MTM1: variants seen among roughly 807,000 people sequenced by gnomAD.
MTM1 encodes myotubularin 1.
Under a neutral mutation model 52.1 loss-of-function variants are expected in MTM1, and 9 were observed. The ratio of observed to expected loss-of-function variants is 0.17; its 90% confidence interval spans 0.10 to 0.30. The LOEUF is 0.30. Ranked by LOEUF, MTM1 falls within the 10% of genes least tolerant of loss-of-function variation. The pLI is 1.00. For synonymous variants in MTM1, 136 were observed against 163.8 expected (o/e 0.83, Z 1.29); for missense variants, 277 against 470.7 (o/e 0.59, Z 3.81).
chrX:150,591,255 A>G (rs781977393), intron 1 of MTM1, among the ~76,000 whole-genome samples: 4 of 112,345 alleles, frequency 3.6e-5, no homozygotes, highest in Admixed American at 2.8e-4. Flanking sequence ...GCCTAGTTCC[A>G]GTGTTCTGGG....
chrX:150,611,657 C>G (rs141174753), intron 4 of MTM1, among the ~76,000 whole-genome samples: 1 of 111,326 alleles, frequency 9.0e-6, no homozygotes, highest in Non-Finnish European at 1.9e-5. Flanking sequence ...GTATTTTTCC[C>G]GCACTCACTT....
At position 150,583,893 on chromosome X, in the gene MTM1, ATT is replaced by A. The variant is rs1370011731; in HGVS notation, c.-10-8710_-10-8709del. Among the ~76,000 whole-genome samples, 7 of 31,452 alleles carry A rather than the reference ATT, an allele frequency of 2.2e-4. 2 individuals carry two copies. The highest frequency in any genetic ancestry group is 6.8e-4 in the Admixed American group (1 of 1,469). 27.3% of individuals were successfully genotyped at this position (31,452 alleles called of 115,157 possible). On this transcript the variant is annotated intron_variant, in intron 1 of 14. Coordinates refer to ENST00000370396, the MANE Select transcript of MTM1 (RefSeq NM_000252.3). ...AAATATATATTAAATATATATATATATTTGATATATATATATATAATATAAAA... is the reference window on the plus strand; with the variant it reads ...AAATATATATTAAATATATATATATATGATATATATATATATAATATAAAA...
At chrX:150,617,786 C>G (rs1179501062) in intron 5 of MTM1, among the ~76,000 whole-genome samples, 1 of 111,813 alleles carries the variant, frequency 8.9e-6, no homozygotes, top group Non-Finnish European at 1.9e-5. Flanking sequence ...TCCAAGAGGG[C>G]AACAACTAGG....
At chrX:150,624,292 A>G in intron 6 of MTM1, among the ~76,000 whole-genome samples, 1 of 112,348 alleles carries the variant, frequency 8.9e-6, no homozygotes, top group South Asian at 3.6e-4. Context: ...TTGCTTTTCA[A>G]ACACTAGAAA....
At chrX:150,608,712 C>T (rs1360342964) in intron 4 of MTM1, among the ~76,000 whole-genome samples, 1 of 111,276 alleles carries the variant, frequency 9.0e-6, no homozygotes, top group Non-Finnish European at 1.9e-5. Flanking sequence ...TAGTTGTAGT[C>T]ACTTTGTTGT....
At chrX:150,659,270 A>AGTCTT (rs1160757448) in intron 11 of MTM1, among the ~76,000 whole-genome samples, 1 of 112,324 alleles carries the variant, frequency 8.9e-6, no homozygotes, top group Admixed American at 9.4e-5. Flanking sequence ...CATGATTTTA[A>AGTCTT]GTCTTGAAAC....
chrX:150,628,300 G>A (rs190328019), intron 6 of MTM1, among the ~76,000 whole-genome samples: 218 of 111,619 alleles, frequency 2.0e-3, no homozygotes, highest in Non-Finnish European at 3.4e-3. Context: ...TCCCATTATG[G>A]TATAAAGACC....
At chrX:150,632,603 T>C (rs2039689548) in intron 6 of MTM1, among the ~76,000 whole-genome samples, 1 of 111,437 alleles carries the variant, frequency 9.0e-6, no homozygotes, top group Non-Finnish European at 1.9e-5. Context: ...GGAAGACCAT[T>C]TCTGGGGATT....
At chrX:150,632,166 A>C (rs1475289054) in intron 6 of MTM1, among the ~76,000 whole-genome samples, 1 of 112,253 alleles carries the variant, frequency 8.9e-6, no homozygotes, top group African/African-American at 3.2e-5. Flanking sequence ...AAACAGATGC[A>C]TATGATACAG....
chrX:150,663,360 G>A lies in MTM1; in HGVS notation c.1468-73G>A, dbSNP rs782071954. Reference sequence around the variant, plus strand: ...TTGATGCTGAACTGTATTGCTACAGGCTGCAAAATGGTTTGTGGATTTATG... The same window carrying A: ...TTGATGCTGAACTGTATTGCTACAGACTGCAAAATGGTTTGTGGATTTATG... On this transcript the variant is annotated intron_variant, in intron 13 of 14. Transcript: ENST00000370396. The A allele has an allele frequency of 2.8e-5, 30 of 1,073,113 alleles. No individual in the cohort carries two copies. The African/African-American group carries it at 5.3e-4, about 19-fold the overall frequency. 88.4% of individuals were successfully genotyped at this position (1,073,113 alleles called of 1,213,427 possible). A position where few individuals can be genotyped will look rare whatever the true frequency, so the allele number is the denominator to read the frequency against.
At chrX:150,611,628 C>G (rs1188507713) in intron 4 of MTM1, among the ~76,000 whole-genome samples, 1 of 111,987 alleles carries the variant, frequency 8.9e-6, no homozygotes, top group African/African-American at 3.2e-5. Flanking sequence ...ACTAGACTGA[C>G]CATACTTGAA....
chrX:150,596,551 A>G lies in MTM1; in HGVS notation c.117A>G (p.Pro39=). The G allele has an allele frequency of 2.5e-6, 3 of 1,208,108 alleles. No homozygotes were observed. Among genetic ancestry groups the G allele is most frequent in the Non-Finnish European group, 3.4e-6 (3 of 892,542 alleles). Residue 39 remains proline, a synonymous_variant, in exon 3 of 15, where the codon CCA becomes CCG. Coordinates refer to ENST00000370396, the MANE Select transcript of MTM1 (RefSeq NM_000252.3). ...RDLTEAVPRL[P]GETLITDKEV... is the part of the protein sequence containing the mutation. ...TCACTGAGGCTGTTCCTCGACTTCC[A>G]GGAGAAACACTAATCACTGGTAAGG...
intron 6 of MTM1, among the ~76,000 whole-genome samples, chrX:150,626,965 T>A (rs2039580237): frequency 9.0e-6 from 1 of 111,472 alleles, no homozygotes; most frequent in African/African-American, 3.3e-5. Flanking sequence ...TTCTCGTTGA[T>A]CTCTCTGTCT....
At chrX:150,566,996 C>T (rs190949527), upstream of MTM1, among the ~76,000 whole-genome samples, 23 of 111,212 alleles carry the variant, frequency 2.1e-4, no homozygotes, top group Admixed American at 1.9e-3. Flanking sequence ...GCAGAGCAGA[C>T]GTGTAAGCAA....
intron 5 of MTM1, among the ~76,000 whole-genome samples, chrX:150,617,576 A>G (rs1326544162): frequency 1.8e-5 from 2 of 112,273 alleles, no homozygotes; most frequent in Non-Finnish European, 3.8e-5. Context: ...ATCTGTATAC[A>G]GAGTGCTCAA....
At chrX:150,639,206 A>C (rs1569565493) in intron 7 of MTM1, among the ~76,000 whole-genome samples, 180 bp downstream of exon 7, 2 of 112,545 alleles carry the variant, frequency 1.8e-5, no homozygotes, top group African/African-American at 3.2e-5. Flanking sequence ...TGTATAACTT[A>C]TAAGCTCATT....
chrX:150,582,518 G>T (rs782029489), intron 1 of MTM1, among the ~76,000 whole-genome samples: 1 of 111,521 alleles, frequency 9.0e-6, no homozygotes, highest in East Asian at 2.8e-4. Context: ...GTTTGTTACT[G>T]CAGTTGTAGT....
chrX:150,594,318 C>T (rs368269727), intron 2 of MTM1, among the ~76,000 whole-genome samples: 37 of 110,364 alleles, frequency 3.4e-4, no homozygotes, highest in African/African-American at 1.2e-3. Flanking sequence ...CCATGTTGGC[C>T]ATGCTGGTCT....
chrX:150,577,681 T>G (rs1339725609), intron 1 of MTM1, among the ~76,000 whole-genome samples: 1 of 112,448 alleles, frequency 8.9e-6, no homozygotes, highest in Non-Finnish European at 1.9e-5. Context: ...AAGTACTTCA[T>G]CAGATATGTG....
Sources: gnomAD v4.1 joint callset for allele counts (sites outside exome capture counted in the v4.1 genomes callset) on GRCh38, gnomAD v4.1.1 for gene constraint, MANE v1.5 for transcripts, NCBI Gene and HGNC (gene_info 2026-07-23, HGNC 2026-07-21) for gene names.